The following PKHD1 variants were observed in gnomAD, a reference collection of about 807,000 sequenced individuals.
The protein encoded by PKHD1 is fibrocystin.
In PKHD1, 291 loss-of-function variants were observed where a neutral mutation model predicts 412.0. The ratio of observed to expected loss-of-function variants is 0.71; its 90% CI spans 0.64 to 0.78. The LOEUF is 0.78. PKHD1 is among the 30% of genes least tolerant of loss of function. The pLI is 0.00. For synonymous variants in PKHD1, 1,777 were observed against 1,821.5 expected (o/e 0.98, Z 0.62); for missense variants, 4,825 against 4,950.7 (o/e 0.97, Z 0.76).
chr6:51,955,546 G>A (rs1164577452), intron 36 of PKHD1, among the ~76,000 whole-genome samples: 1 of 152,056 alleles, frequency 6.6e-6, no homozygotes, highest in South Asian at 2.1e-4. Context: ...GGTCCATAAA[G>A]TGTTGGTTTT....
chr6:51,632,285 T>G (rs1398101352), intron 65 of PKHD1, among the ~76,000 whole-genome samples: 1 of 152,096 alleles, frequency 6.6e-6, no homozygotes, highest in Non-Finnish European at 1.5e-5. Context: ...TGGGTTGTTG[T>G]GTGGATTAAA....
chr6:51,845,807 C>T (rs1490662367), intron 50 of PKHD1, among the ~76,000 whole-genome samples: 1 of 152,092 alleles, frequency 6.6e-6, no homozygotes, highest in Non-Finnish European at 1.5e-5. Flanking sequence ...TCTATAGCTG[C>T]ATGATTTAAT....
intron 60 of PKHD1, among the ~76,000 whole-genome samples, chr6:51,717,209 C>T (rs1293380711): frequency 2.0e-5 from 3 of 152,094 alleles, no homozygotes; most frequent in Non-Finnish European, 4.4e-5. Context: ...GTCAAGAGTT[C>T]GAGAACAGCC....
intron 15 of PKHD1, among the ~76,000 whole-genome samples, chr6:52,059,259 C>CTTTTT (rs55992586): frequency 1.3e-3 from 111 of 83,480 alleles, no homozygotes; most frequent in Admixed American, 4.9e-3. Context: ...TTTTCTTTTT[C>CTTTTT]TTTTTTTTTT....
chr6:51,937,837 G>T (rs1787765705), intron 36 of PKHD1, among the ~76,000 whole-genome samples: 1 of 152,104 alleles, frequency 6.6e-6, no homozygotes, highest in South Asian at 2.1e-4. Flanking sequence ...TTAATGCAAT[G>T]GTCTCTGTGG....
At chr6:51,970,883 T>C in intron 35 of PKHD1, among the ~76,000 whole-genome samples, 1 of 152,238 alleles carries the variant, frequency 6.6e-6, no homozygotes, top group East Asian at 1.9e-4. Flanking sequence ...TCAGGTATTA[T>C]GATACCTCCA....
intron 51 of PKHD1, among the ~76,000 whole-genome samples, chr6:51,832,666 T>G (rs375926674): frequency 7.9e-5 from 12 of 152,006 alleles, no homozygotes. Context: ...AGAGATGAAT[T>G]TGGCATCATC....
intron 52 of PKHD1, among the ~76,000 whole-genome samples, chr6:51,828,381 A>G (rs573881480): frequency 1.5e-4 from 20 of 135,798 alleles, no homozygotes; most frequent in East Asian, 2.2e-4. Context: ...GAATTATATG[A>G]AAAAAAAATC....
Position 51,828,098 on chromosome 6 carries a change from C to T in PKHD1, c.8302+2763G>A, listed in dbSNP as rs114738776. 1.1e-3 allele frequency among the ~76,000 whole-genome samples: 170 copies of T among 151,932 alleles called. 2 individuals carry two copies. The highest frequency in any genetic ancestry group is 3.8e-3 in the African/African-American group (157 of 41,428). On this transcript the variant is annotated intron_variant, in intron 52 of 66. Transcript: ENST00000371117. ...TTTGTTTTATTTCAAGTTAAGAATG[C>T]GGATGGTAAGAGAAGAATGTGGAGG...
intron 65 of PKHD1, 100 bp downstream of exon 65, chr6:51,632,465 A>T: frequency 9.8e-7 from 1 of 1,016,854 alleles, no homozygotes. Flanking sequence ...AAGCTCACAA[A>T]AATTTGTCTT....
Position 51,617,920 on chromosome 6 carries a change from A to G in PKHD1, c.*1161T>C, listed in dbSNP as rs1279454751. On this transcript the variant is annotated 3_prime_UTR_variant, in exon 67 of 67. Transcript: ENST00000371117. ...GGATTTTCAGGAAAATCTGAGAGCA[A>G]TCTCTTTTTGGAAGCTCTCCACATT... is the stretch of plus-strand genomic sequence containing the variant. 1 of 152,072 alleles carries G rather than the reference A, an allele frequency of 6.6e-6. No homozygotes were observed. The highest frequency in any genetic ancestry group is 1.5e-5 in the Non-Finnish European group (1 of 68,020). 9.4% of individuals were successfully genotyped at this position (152,072 alleles called of 1,614,324 possible).
chr6:51,873,298 A>G (rs138793623), intron 46 of PKHD1, among the ~76,000 whole-genome samples: 286 of 152,338 alleles, frequency 1.9e-3, no homozygotes, highest in Non-Finnish European at 2.9e-3. Context: ...TTCCATTTAG[A>G]CCAACTTAAA....
intron 35 of PKHD1, among the ~76,000 whole-genome samples, chr6:51,967,648 GTGTGTA>G (rs1490896616): frequency 4.8e-4 from 57 of 119,888 alleles, no homozygotes; most frequent in African/African-American, 1.4e-3. Context: ...TTGTGTGTGT[GTGTGTA>G]TGTGTGTGTG....
intron 60 of PKHD1, among the ~76,000 whole-genome samples, chr6:51,696,313 A>G (rs963649795): frequency 6.6e-6 from 1 of 152,216 alleles, no homozygotes; most frequent in Admixed American, 6.5e-5. Flanking sequence ...ATCTTTAATC[A>G]TAGATACATC....
intron 21 of PKHD1, among the ~76,000 whole-genome samples, chr6:52,051,162 G>A (rs1255502748): frequency 6.6e-6 from 1 of 152,182 alleles, no homozygotes. Flanking sequence ...ATTAGATTCC[G>A]ATCTCCTCCA....
At chr6:51,748,719 A>G in intron 57 of PKHD1, 54 bp from the exon 58 acceptor site, 1 of 1,478,602 alleles carries the variant, frequency 6.8e-7, no homozygotes, top group Admixed American at 1.7e-5. Context: ...AAAAGGCTGA[A>G]GAATGGCCCA....
chr6:51,993,207 T>C (rs1381754451), intron 35 of PKHD1, among the ~76,000 whole-genome samples: 2 of 152,186 alleles, frequency 1.3e-5, no homozygotes, highest in Non-Finnish European at 2.9e-5. Context: ...GGGGAGAATG[T>C]TGGAAATTGT....
intron 43 of PKHD1, among the ~76,000 whole-genome samples, chr6:51,901,893 A>G (rs1781364568): frequency 6.6e-6 from 1 of 152,202 alleles, no homozygotes; most frequent in Non-Finnish European, 1.5e-5. Flanking sequence ...GCAAGCAGCT[A>G]GTTGCAGACT....
intron 43 of PKHD1, among the ~76,000 whole-genome samples, chr6:51,892,327 A>G (rs1036794415): frequency 2.4e-4 from 37 of 152,238 alleles, no homozygotes; most frequent in African/African-American, 8.7e-4. Flanking sequence ...TAAGACTTCA[A>G]TGGTCTTAGG....
Sources: gnomAD v4.1 joint callset for allele counts (sites outside exome capture counted in the v4.1 genomes callset) on GRCh38, gnomAD v4.1.1 for gene constraint, MANE v1.5 for transcripts, NCBI Gene and HGNC (gene_info 2026-07-23, HGNC 2026-07-21) for gene names.